C1R: variants seen among roughly 807,000 people sequenced by gnomAD.
C1R encodes complement C1r.
C1R carries 15 observed loss-of-function variants against 27.6 expected under a neutral mutation model. That is an observed-to-expected ratio of 0.54 (90% confidence interval 0.36 to 0.84). The LOEUF (loss-of-function observed/expected upper bound fraction) is 0.84, where lower values mean the gene tolerates loss of function less well. Among genes scored for constraint, C1R ranks in the 40% least tolerant of loss-of-function variants. C1R has a pLI of 0.01. For missense variants in C1R, 544 were observed against 577.9 expected (o/e 0.94, Z 0.60); for synonymous variants, 253 against 228.8 (o/e 1.11, Z -0.95).
In C1R at chr12:7,091,371, T is replaced by C; in HGVS notation, c.231+81A>G. On this transcript the variant is annotated intron_variant, in intron 2 of 10. Coordinates refer to ENST00000647956, the MANE Select transcript of C1R (RefSeq NM_001733.7). The surrounding 1 kb of genome is among the most constrained non-coding windows in gnomAD (Gnocchi z 5.1). ...AGCTCTTGTGGGGCTGGGCTGTGTC[T>C]GGGGGTGTGCATGCCATACAGATCC... 1.4e-6 allele frequency: 1 copy of C among 696,936 alleles called. No homozygotes were observed. The highest frequency in any genetic ancestry group is 2.6e-6 in the Non-Finnish European group (1 of 380,246). The allele number at this position is 696,936 out of a possible 1,614,324, so 43.2% of individuals were successfully genotyped here.
rs762022618 is a variant in C1R, at chr12:7,092,371, C to T, written c.2+16G>A. ...GGCTTCTCCCTCCCACCTGGTTGCC[C>T]ATCACCCTTACTCACATTTCTCAAG... On this transcript the variant is annotated intron_variant, in intron 1 of 10. Transcript: ENST00000647956. 8 of 780,884 alleles carry T rather than the reference C, an allele frequency of 1.0e-5. 1 individual carries two copies. The highest frequency in any genetic ancestry group is 1.9e-5 in the Non-Finnish European group (8 of 417,986). The allele number at this position is 780,884 out of a possible 1,614,324, so 48.4% of individuals were successfully genotyped here. A position where few individuals can be genotyped will look rare whatever the true frequency, so the allele number is the denominator to read the frequency against.
At chr12:7,081,945 C>T in intron 10 of C1R, 87 bp downstream of exon 10, 1 of 1,125,066 alleles carries the variant, frequency 8.9e-7, no homozygotes, top group South Asian at 1.4e-5. Flanking sequence ...CTTCTCTCCT[C>T]TCTCTCCTTT....
At chr12:7,085,662 A>C (rs2135740906) in intron 9 of C1R, among the ~76,000 whole-genome samples, 199 bp downstream of exon 9, 1 of 152,104 alleles carries the variant, frequency 6.6e-6, no homozygotes, top group African/African-American at 2.4e-5. Context: ...ATGCGATTTG[A>C]ATCTTTTCTT....
chr12:7,081,819 G>T (rs1402352972), intron 10 of C1R, among the ~76,000 whole-genome samples: 1 of 152,068 alleles, frequency 6.6e-6, no homozygotes, highest in Non-Finnish European at 1.5e-5. Flanking sequence ...TTCTTCCTAG[G>T]GGGTCTCCCA....
chr12:7,089,163 C>A, intron 5 of C1R, 130 bp downstream of exon 5: 1 of 649,586 alleles, frequency 1.5e-6, no homozygotes, highest in Non-Finnish European at 2.8e-6. Flanking sequence ...TGGGAACTTA[C>A]CCAGCCCATG....
At chr12:7,082,564 C>T (rs1402944496) in intron 9 of C1R, among the ~76,000 whole-genome samples, 1 of 152,100 alleles carries the variant, frequency 6.6e-6, no homozygotes, top group South Asian at 2.1e-4. Context: ...ATCTCCTGAC[C>T]TCGTGATCCA....
rs1331928783 is a variant in C1R at position 7,091,128 on chromosome 12, T to C, written c.231+324A>G. On this transcript the variant is annotated intron_variant, in intron 2 of 10. Transcript: ENST00000647956. This position sits in a 1 kb window ranked among gnomAD's most constrained non-coding sequence, Gnocchi z 5.1. ...GCAGGCAGCCATGTCAATCATTTCC[T>C]TGGAGACAGGGAAGCTGAGGCACAG... 3 of 332,648 alleles carry C rather than the reference T, an allele frequency of 9.0e-6. No individual in the cohort carries two copies. The highest frequency in any genetic ancestry group is 5.0e-5 in the Admixed American group (1 of 20,100). 20.6% of individuals were successfully genotyped at this position (332,648 alleles called of 1,614,324 possible).
In C1R at chr12:7,090,444, C is replaced by T. The variant is rs6487521; in HGVS notation, c.232-196G>A. On this transcript the variant is annotated intron_variant, in intron 2 of 10. Coordinates refer to ENST00000647956, the MANE Select transcript of C1R (RefSeq NM_001733.7). ...AGCTGTTCCCTGAGTCTCCCACTGACTCACTCTTTGCGTGTTGTCCTGGAC... is the reference window on the plus strand; with the variant it reads ...AGCTGTTCCCTGAGTCTCCCACTGATTCACTCTTTGCGTGTTGTCCTGGAC... The T allele has an allele frequency of 0.014, 8,567 of 592,860 alleles. 533 individuals are homozygous for T. The highest frequency in any genetic ancestry group is 0.14 in the African/African-American group (7,593 of 53,790). 36.7% of individuals were successfully genotyped at this position (592,860 alleles called of 1,614,324 possible). A position where few individuals can be genotyped will look rare whatever the true frequency, so the allele number is the denominator to read the frequency against.
At position 7,090,049 on chromosome 12, in the gene C1R, T is replaced by A. The variant is rs943196132; in HGVS notation, c.424+7A>T. ...CAGAGAAAAGGGATCCCTGGGGGGC[T>A]ACTCACCCACAGCTTGGTAGTAGGC... On this transcript the variant is annotated splice_region_variant and intron_variant, in intron 3 of 10. Transcript: ENST00000647956. The A allele has an allele frequency of 7.8e-6, 6 of 769,024 alleles. No homozygotes were observed. The highest frequency in any genetic ancestry group is 1.7e-5 in the Admixed American group (1 of 57,244). 47.6% of individuals were successfully genotyped at this position (769,024 alleles called of 1,614,324 possible).
chr12:7,089,710 T>C lies in C1R; in HGVS notation c.448A>G (p.Ser150Gly). The C allele has an allele frequency of 1.3e-6, 1 of 780,824 alleles. No homozygotes were observed. 48.4% of individuals were successfully genotyped at this position (780,824 alleles called of 1,614,324 possible). A position where few individuals can be genotyped will look rare whatever the true frequency, so the allele number is the denominator to read the frequency against. Residue 150 changes from serine (S) to glycine (G), a missense_variant, in exon 4 of 11, where the codon AGC becomes GGC. By Grantham distance (56) the Ser-to-Gly change is moderately conservative. This residue lies in a region of C1R where 291 missense variants were observed against 209.0 expected (regional missense o/e 1.39). Coordinates refer to ENST00000647956, the MANE Select transcript of C1R (RefSeq NM_001733.7). ...AVDLDECASRSKSGEEDPQPQ... is the reference protein window; with the variant it reads ...AVDLDECASRGKSGEEDPQPQ... The stretch of plus-strand genomic sequence containing the variant: ...TGGGGATCCTCCTCCCCTGATTTGC[T>C]CCGGGAAGCACATTCATCAAGGTCT...
rs757120489 is a variant in C1R, at chr12:7,091,444, G to GCCCAT, written c.231+7_231+8insATGGG. ...TGTCTCCCCTCTGCCCGCCCATCCTGCCCCTACCTTGACATAATCATAGAA... is the reference window on the plus strand; with the variant it reads ...TGTCTCCCCTCTGCCCGCCCATCCTGCCCATCCCCTACCTTGACATAATCATAGAA... On this transcript the variant is annotated splice_region_variant and intron_variant, in intron 2 of 10. Coordinates refer to ENST00000647956, the MANE Select transcript of C1R (RefSeq NM_001733.7). The surrounding 1 kb of genome is among the most constrained non-coding windows in gnomAD (Gnocchi z 5.1). 18 of 751,806 alleles carry GCCCAT rather than the reference G, an allele frequency of 2.4e-5. No homozygotes were observed. The African/African-American group carries it at 2.9e-4, about 12-fold the overall frequency. The allele number at this position is 751,806 out of a possible 1,614,324, so 46.6% of individuals were successfully genotyped here. A position where few individuals can be genotyped will look rare whatever the true frequency, so the allele number is the denominator to read the frequency against.
chr12:7,084,728 TTGG>T (rs1231521664), intron 9 of C1R, among the ~76,000 whole-genome samples: 3 of 36,140 alleles, frequency 8.3e-5, no homozygotes, highest in African/African-American at 1.5e-4. Flanking sequence ...GACGATGGTG[TTGG>T]TGGTGGTGAT....
At chr12:7,092,320 G>A (rs1565632197) in intron 1 of C1R, 67 bp downstream of exon 1, 1 of 780,146 alleles carries the variant, frequency 1.3e-6, no homozygotes, top group Non-Finnish European at 2.4e-6. Context: ...TCCCTGAATT[G>A]CCTCCCATGC....
chr12:7,081,162 C>A lies in C1R; in HGVS notation c.1488G>T (p.Trp496Cys). The stretch of plus-strand genomic sequence containing the variant: ...ACAGGGTGTGGGCAGCTGTGAGGAT[C>A]CAGCGGTCGCCCAGCAGGGCCCCGC... The part of the protein sequence containing the change: ...RGGGALLGDR[W>C]ILTAAHTLYP... The change falls in exon 11 of 11, where the codon TGG becomes TGT. Residue 496 changes from tryptophan (W) to cysteine (C), a missense_variant. By Grantham distance (215) the Trp-to-Cys change is radical. This residue lies in a region of C1R where 253 missense variants were observed against 368.9 expected (regional missense o/e 0.69). Coordinates refer to ENST00000647956, the MANE Select transcript of C1R (RefSeq NM_001733.7). 5 of 1,613,982 alleles carry A rather than the reference C, an allele frequency of 3.1e-6. No homozygotes were observed. The highest frequency in any genetic ancestry group is 4.2e-6 in the Non-Finnish European group (5 of 1,179,862).
intron 3 of C1R, 136 bp downstream of exon 3, chr12:7,089,920 G>C (rs761308082): frequency 4.3e-6 from 3 of 702,006 alleles, no homozygotes; most frequent in Non-Finnish European, 8.0e-6. Flanking sequence ...GACAGGCCTC[G>C]TTAGGAAAAG....
At chr12:7,084,995 G>GATGGTGGTGGTGATGGTGGTGTTGGTA (rs1938120961) in intron 9 of C1R, among the ~76,000 whole-genome samples, 1 of 148,806 alleles carries the variant, frequency 6.7e-6, no homozygotes, top group South Asian at 2.1e-4. Context: ...TGTTGGTGGT[G>GATGGTGGTGGTGATGGTGGTGTTGGTA]ATGGTGGTGG....
chr12:7,089,089 C>T (rs1469963236), intron 5 of C1R, 103 bp from the exon 6 acceptor site: 2 of 635,728 alleles, frequency 3.1e-6, no homozygotes, highest in Non-Finnish European at 5.7e-6. Flanking sequence ...GTGATGAAAT[C>T]CTGCCTTATG....
At position 7,080,571 on chromosome 12, in the gene C1R, G is replaced by C. The variant is rs954740303; in HGVS notation, c.2079C>G (p.Tyr693Ter). ...GYGFYTKVLN[Y>*]VDWIKKEMEE... ...CCATCTCTTTCTTGATCCAGTCCACGTAGTTGAGCACTTTGGTGTAGAAGC... is the reference window on the plus strand; with the variant it reads ...CCATCTCTTTCTTGATCCAGTCCACCTAGTTGAGCACTTTGGTGTAGAAGC... The change falls in exon 11 of 11, where the codon TAC becomes TAG. Residue 693 changes from tyrosine to a stop codon, truncating the protein, a stop_gained. Transcript: ENST00000647956. LOFTEE classifies it high-confidence loss of function. The surrounding 1 kb of genome is among the most constrained non-coding windows in gnomAD (Gnocchi z 4.9). The C allele has an allele frequency of 1.3e-6, 2 of 1,596,542 alleles. No individual in the cohort carries two copies. Among genetic ancestry groups the C allele is most frequent in the Non-Finnish European group, 1.7e-6 (2 of 1,169,096 alleles).
chr12:7,080,306 A>G lies in C1R; in HGVS notation c.*226T>C, dbSNP rs1938030028. ...TGGAAGAGGAAAGTGACAACTAGAG[A>G]TTGATAACTATATCCTCTGCAATCC... On this transcript the variant is annotated 3_prime_UTR_variant, in exon 11 of 11. Coordinates refer to ENST00000647956, the MANE Select transcript of C1R (RefSeq NM_001733.7). The surrounding 1 kb of genome is among the most constrained non-coding windows in gnomAD (Gnocchi z 4.9). 4 of 1,232,790 alleles carry G rather than the reference A, an allele frequency of 3.2e-6. No homozygotes were observed. In the South Asian group the frequency reaches 1.5e-4, roughly 46 times the overall value. 76.4% of individuals were successfully genotyped at this position (1,232,790 alleles called of 1,614,324 possible).
Sources: gnomAD v4.1 joint callset for allele counts (sites outside exome capture counted in the v4.1 genomes callset) on GRCh38, gnomAD v4.1.1 for gene constraint, gnomAD v4.1.1 regional missense constraint, Gnocchi (gnomAD v3.1) non-coding constraint, MANE v1.5 for transcripts, NCBI Gene and HGNC (gene_info 2026-07-23, HGNC 2026-07-21) for gene names.